Variants in FBXL7 observed in about 807,000 individuals in gnomAD.
The protein encoded by FBXL7 is F-box and leucine rich repeat protein 7, also known as F-box/LRR-repeat protein 7.
FBXL7 carries 12 observed loss-of-function variants against 38.3 expected under a neutral mutation model. The ratio of observed to expected loss-of-function variants is 0.31; its 90% CI spans 0.20 to 0.51. The LOEUF (loss-of-function observed/expected upper bound fraction) is 0.51. Ranked by LOEUF, FBXL7 falls within the 20% of genes least tolerant of loss-of-function variation. The pLI is 0.98. For missense variants in FBXL7, 567 were observed against 676.4 expected (o/e 0.84, Z 1.79); for synonymous variants, 297 against 300.9 (o/e 0.99, Z 0.13).
intron 2 of FBXL7, among the ~76,000 whole-genome samples, chr5:15,799,110 T>A (rs1230568740): frequency 2.6e-5 from 4 of 151,912 alleles, no homozygotes; most frequent in African/African-American, 9.7e-5. Context: ...TGAACAAGAG[T>A]TTTATTCTGC....
chr5:15,620,389 C>T (rs540418062), intron 2 of FBXL7, among the ~76,000 whole-genome samples: 3 of 149,348 alleles, frequency 2.0e-5, no homozygotes, highest in African/African-American at 7.4e-5. Context: ...CATGCCACCA[C>T]GCCCAGCTAA....
intron 2 of FBXL7, among the ~76,000 whole-genome samples, chr5:15,635,362 C>G (rs928563562): frequency 1.3e-5 from 2 of 152,076 alleles, no homozygotes; most frequent in Admixed American, 6.6e-5. Context: ...GCTCAGGGCT[C>G]CAGAAAGAGT....
intron 2 of FBXL7, among the ~76,000 whole-genome samples, chr5:15,839,552 A>G (rs543678192): frequency 1.3e-5 from 2 of 151,914 alleles, no homozygotes; most frequent in Admixed American, 1.3e-4. Flanking sequence ...GCCCTGATCA[A>G]TGTATTGGTT....
intron 2 of FBXL7, among the ~76,000 whole-genome samples, chr5:15,887,613 G>A (rs1740730539): frequency 6.6e-6 from 1 of 152,136 alleles, no homozygotes; most frequent in Admixed American, 6.5e-5. Flanking sequence ...GCTTTGTTAA[G>A]GTGTATCCCT....
chr5:15,636,892 A>G (rs909411589), intron 2 of FBXL7, among the ~76,000 whole-genome samples: 17 of 152,178 alleles, frequency 1.1e-4, no homozygotes, highest in Middle Eastern at 3.2e-3. Context: ...CTTAATCAGA[A>G]ATTCACATAG....
intron 2 of FBXL7, among the ~76,000 whole-genome samples, chr5:15,770,230 T>C (rs894571688): frequency 2.0e-5 from 3 of 152,168 alleles, no homozygotes; most frequent in African/African-American, 7.2e-5. Context: ...ATGCAAACCC[T>C]GATTTTCCGT....
intron 1 of FBXL7, among the ~76,000 whole-genome samples, chr5:15,512,255 A>C (rs1377587044): frequency 6.6e-6 from 1 of 152,190 alleles, no homozygotes; most frequent in Non-Finnish European, 1.5e-5. Flanking sequence ...GTTGAATAGA[A>C]ATCCATCTTA....
intron 2 of FBXL7, among the ~76,000 whole-genome samples, chr5:15,874,558 C>T (rs1740119030): frequency 6.6e-6 from 1 of 152,210 alleles, no homozygotes; most frequent in Non-Finnish European, 1.5e-5. Context: ...TGATAAGCAA[C>T]TTCAGCTAAG....
intron 2 of FBXL7, among the ~76,000 whole-genome samples, chr5:15,797,533 G>A (rs1737449140): frequency 6.6e-6 from 1 of 152,170 alleles, no homozygotes. Flanking sequence ...CTCACAGAGT[G>A]GTAGAATGAA....
chr5:15,689,555 G>C (rs80354599), intron 2 of FBXL7, among the ~76,000 whole-genome samples: 3 of 152,098 alleles, frequency 2.0e-5, no homozygotes, highest in Admixed American at 2.0e-4. Context: ...TTTACCAACT[G>C]TGTGCCTCAG....
rs184034774 is a variant in FBXL7 at position 15,773,154 on chromosome 5, G to A, written c.128-154736G>A. On this transcript the variant is annotated intron_variant, in intron 2 of 3. Coordinates refer to ENST00000504595, the MANE Select transcript of FBXL7 (RefSeq NM_012304.5). Reference sequence around the variant, plus strand: ...GCTCAACTGATCCTCCTGCCTTGGCGTCCCCAAATCCTGGGATCACTGACC... The same window carrying A: ...GCTCAACTGATCCTCCTGCCTTGGCATCCCCAAATCCTGGGATCACTGACC... 1.2e-3 allele frequency among the ~76,000 whole-genome samples: 175 copies of A among 152,158 alleles called. 1 individual carries two copies. The highest frequency in any genetic ancestry group is 3.8e-3 in the African/African-American group (157 of 41,524).
intron 2 of FBXL7, among the ~76,000 whole-genome samples, chr5:15,833,378 A>G (rs1738508548): frequency 6.6e-6 from 1 of 152,030 alleles, no homozygotes; most frequent in Admixed American, 6.6e-5. Context: ...CTCATAACCT[A>G]ATCACTTTCC....
intron 2 of FBXL7, among the ~76,000 whole-genome samples, chr5:15,813,810 AACAAACAT>A (rs1561136530): frequency 2.0e-5 from 3 of 152,262 alleles, no homozygotes; most frequent in African/African-American, 4.8e-5. Flanking sequence ...TTATGCGGTC[AACAAACAT>A]GAAAAAAAAG....
intron 2 of FBXL7, among the ~76,000 whole-genome samples, chr5:15,779,352 T>A (rs1736935151): frequency 1.3e-5 from 2 of 152,126 alleles, no homozygotes; most frequent in South Asian, 4.1e-4. Context: ...ATTGTAATGT[T>A]CCAAAGATAA....
intron 2 of FBXL7, among the ~76,000 whole-genome samples, chr5:15,770,447 C>A (rs1282516927): frequency 6.6e-6 from 1 of 152,160 alleles, no homozygotes; most frequent in African/African-American, 2.4e-5. Context: ...TTTTTACCCA[C>A]CTTGAATACA....
intron 2 of FBXL7, among the ~76,000 whole-genome samples, chr5:15,777,918 G>A (rs537074118): frequency 2.0e-5 from 3 of 151,842 alleles, no homozygotes; most frequent in South Asian, 2.1e-4. Context: ...CCACATGAAC[G>A]CCAGCAATCA....
chr5:15,795,045 A>T (rs114094646), intron 2 of FBXL7, among the ~76,000 whole-genome samples: 23 of 152,356 alleles, frequency 1.5e-4, no homozygotes, highest in African/African-American at 5.1e-4. Context: ...AGGCAGGTGG[A>T]CAACAAGCTC....
chr5:15,805,798 G>C (rs1025579390), intron 2 of FBXL7, among the ~76,000 whole-genome samples: 1 of 152,156 alleles, frequency 6.6e-6, no homozygotes, highest in Non-Finnish European at 1.5e-5. Context: ...ATTTATTTAA[G>C]AATCTGTTTA....
In FBXL7 at chr5:15,500,193, T is replaced by C. The variant is rs569013257; in HGVS notation, c.-484T>C. 1.3e-3 allele frequency: 195 copies of C among 151,984 alleles called. No individual in the cohort carries two copies. The highest frequency in any genetic ancestry group is 4.5e-3 in the African/African-American group (188 of 41,480). The allele number at this position is 151,984 out of a possible 1,614,324, so 9.4% of individuals were successfully genotyped here. A position where few individuals can be genotyped will look rare whatever the true frequency, so the allele number is the denominator to read the frequency against. ...CGGGCGAGCTGCGCCGGGTCGCTAG[T>C]CTTCACTCGCTCCGGGGACCCGCAA... On this transcript the variant is annotated 5_prime_UTR_variant, in exon 1 of 4. Transcript: ENST00000504595.
Sources: allele counts gnomAD v4.1 joint callset (sites outside exome capture counted in the v4.1 genomes callset), GRCh38; gene constraint gnomAD v4.1.1; transcripts MANE v1.5; gene names NCBI Gene and HGNC (gene_info 2026-07-23, HGNC 2026-07-21).